DNAH14: variants seen among roughly 807,000 people sequenced by gnomAD.
The protein encoded by DNAH14 is dynein axonemal heavy chain 14.
In DNAH14, 478 loss-of-function variants were observed where a neutral mutation model predicts 520.9. That is an observed-to-expected ratio of 0.92 (90% CI 0.85 to 0.99). DNAH14 has a LOEUF of 0.99. Ranked by LOEUF, DNAH14 falls within the 50% of genes least tolerant of loss-of-function variation. The pLI, the probability that DNAH14 is intolerant of heterozygous loss-of-function variation, is 0.00. For missense variants in DNAH14, 4,831 were observed against 5,234.5 expected, an observed-to-expected ratio of 0.92 and a Z score of 2.38; for synonymous variants, 1,581 against 1,757.2, an observed-to-expected ratio of 0.90 and a Z score of 2.51.
At chr1:225,192,953 G>T in intron 38 of DNAH14, 42 bp downstream of exon 38, 1 of 1,403,030 alleles carries the variant, frequency 7.1e-7, no homozygotes. Flanking sequence ...TAACTAATGT[G>T]GATTATTTAA....
chr1:225,163,484 A>G (rs1047690593), intron 35 of DNAH14, among the ~76,000 whole-genome samples: 1 of 151,914 alleles, frequency 6.6e-6, no homozygotes, highest in Admixed American at 6.6e-5. Flanking sequence ...GTGTGATACT[A>G]GCTGTGGGTC....
chr1:225,052,107 ATTTG>A (rs2068594498), intron 17 of DNAH14, among the ~76,000 whole-genome samples: 1 of 151,958 alleles, frequency 6.6e-6, no homozygotes, highest in South Asian at 2.1e-4. Context: ...TATGTTATTT[ATTTG>A]TTTGTTTGTT....
rs182277544 is a variant in DNAH14 at position 224,981,777 on chromosome 1, G to T, written c.830+7624G>T. 4.2e-3 allele frequency among the ~76,000 whole-genome samples: 638 copies of T among 152,034 alleles called. 4 individuals are homozygous for T. The highest frequency in any genetic ancestry group is 0.015 in the African/African-American group (607 of 41,488). ...TATCTTTTGTATTTTTGGTTGGTTT[G>T]TTTCACTTTCGTTTAGTTCTGCTCT... On this transcript the variant is annotated intron_variant, in intron 8 of 85. Coordinates refer to ENST00000682510, the MANE Select transcript of DNAH14 (RefSeq NM_001367479.1).
At chr1:225,172,438 C>T (rs1480999272) in intron 36 of DNAH14, among the ~76,000 whole-genome samples, 2 of 152,156 alleles carry the variant, frequency 1.3e-5, no homozygotes, top group Non-Finnish European at 2.9e-5. Flanking sequence ...AATCAATGTG[C>T]AGAAATCACA....
chr1:225,275,691 A>G (rs2093449525), intron 52 of DNAH14, among the ~76,000 whole-genome samples: 1 of 152,164 alleles, frequency 6.6e-6, no homozygotes, highest in African/African-American at 2.4e-5. Context: ...TAACCCTTAT[A>G]TTTTGATATA....
intron 23 of DNAH14, among the ~76,000 whole-genome samples, chr1:225,115,276 G>C (rs1411391882): frequency 6.6e-6 from 1 of 152,198 alleles, no homozygotes; most frequent in African/African-American, 2.4e-5. Flanking sequence ...ACAGCACTGA[G>C]TCTTGTGCAG....
chr1:225,058,316 G>T (rs1318891523), intron 17 of DNAH14, among the ~76,000 whole-genome samples: 6 of 152,148 alleles, frequency 3.9e-5, no homozygotes, highest in Non-Finnish European at 8.8e-5. Context: ...GTTTATTTGT[G>T]TAGAAGTGTT....
At chr1:225,249,160 A>C (rs562274000) in intron 43 of DNAH14, among the ~76,000 whole-genome samples, 1 of 152,384 alleles carries the variant, frequency 6.6e-6, no homozygotes, top group East Asian at 1.9e-4. Context: ...GAAATGGCAG[A>C]TATCAATGAC....
chr1:225,342,748 C>T (rs2095216116), intron 69 of DNAH14, among the ~76,000 whole-genome samples: 1 of 151,646 alleles, frequency 6.6e-6, no homozygotes, highest in African/African-American at 2.4e-5. Context: ...TTCACTTACC[C>T]TTCTATCTGC....
chr1:225,386,577 GA>G (rs2095844685), intron 81 of DNAH14, among the ~76,000 whole-genome samples: 1 of 152,188 alleles, frequency 6.6e-6, no homozygotes, highest in African/African-American at 2.4e-5. Context: ...CAAAGGATAT[GA>G]ACAGACACTT....
intron 34 of DNAH14, among the ~76,000 whole-genome samples, chr1:225,158,046 A>G (rs1209680061): frequency 6.6e-6 from 1 of 152,218 alleles, no homozygotes; most frequent in African/African-American, 2.4e-5. Flanking sequence ...AAGATTTTGA[A>G]TATTCTCCTG....
At chr1:225,238,758 C>T (rs1468630555) in intron 42 of DNAH14, among the ~76,000 whole-genome samples, 2 of 151,890 alleles carry the variant, frequency 1.3e-5, no homozygotes, top group African/African-American at 2.4e-5. Context: ...GCCAGCCCCA[C>T]CTCCAGGAGC....
intron 10 of DNAH14, among the ~76,000 whole-genome samples, chr1:225,014,510 C>T (rs906051874): frequency 6.6e-6 from 1 of 151,810 alleles, no homozygotes; most frequent in Non-Finnish European, 1.5e-5. Context: ...TATTATGTTT[C>T]AATTTTCATT....
Position 225,307,576 on chromosome 1 carries a change from T to G in DNAH14, c.9114+7T>G, listed in dbSNP as rs1165679948. ...AGTAGAACAAAAAACAAAGGTATGT[T>G]TGCTTTGAAATCTCTTTTAAAGATT... On this transcript the variant is annotated splice_region_variant and intron_variant, in intron 59 of 85. Transcript: ENST00000682510. 6.5e-7 allele frequency: 1 copy of G among 1,526,826 alleles called. No homozygotes were observed. The highest frequency in any genetic ancestry group is 2.5e-5 in the East Asian group (1 of 40,730). The allele number at this position is 1,526,826 out of a possible 1,614,324, so 94.6% of individuals were successfully genotyped here.
At chr1:225,173,268 TTAAAC>T (rs1298507888) in intron 36 of DNAH14, among the ~76,000 whole-genome samples, 1 of 152,144 alleles carries the variant, frequency 6.6e-6, no homozygotes, top group East Asian at 1.9e-4. Flanking sequence ...TGGGATCTAA[TTAAAC>T]TAAAGAGCTT....
At position 225,304,935 on chromosome 1, in the gene DNAH14, T is replaced by C. The variant is rs1452322905; in HGVS notation, c.8851T>C (p.Cys2951Arg). ...CTTGAAAGAAAAACTTGCCCCAACATGTGTCCAAATCCACAAAAGCATGAA... is the reference window on the plus strand; with the variant it reads ...CTTGAAAGAAAAACTTGCCCCAACACGTGTCCAAATCCACAAAAGCATGAA... ...ENLKEKLAPT[C>R]VQIHKSMKDL... Residue 2951 changes from cysteine to arginine, a missense_variant, in exon 58 of 86, where the codon TGT becomes CGT. Cys to Arg is a radical substitution (Grantham distance 180). Transcript: ENST00000682510. 1.3e-6 allele frequency: 2 copies of C among 1,521,844 alleles called. No individual in the cohort carries two copies. The highest frequency in any genetic ancestry group is 1.8e-6 in the Non-Finnish European group (2 of 1,140,346). 94.3% of individuals were successfully genotyped at this position (1,521,844 alleles called of 1,614,324 possible).
intron 74 of DNAH14, among the ~76,000 whole-genome samples, chr1:225,360,026 T>C (rs2095475207): frequency 6.6e-6 from 1 of 152,200 alleles, no homozygotes; most frequent in South Asian, 2.1e-4. Flanking sequence ...GGCCCCAGTA[T>C]GTGTTGTTCC....
rs1389210188 is a variant in DNAH14, at chr1:224,975,975, C to T, written c.830+1822C>T. 7.2e-5 allele frequency among the ~76,000 whole-genome samples: 11 copies of T among 151,808 alleles called. No homozygotes were observed. The East Asian group carries it at 1.5e-3, about 21-fold the overall frequency. ...AACATCTTTATTTCTACCTTCATTTCGTTATGTACCCAGTAGTCATTCAGG... is the reference window on the plus strand; with the variant it reads ...AACATCTTTATTTCTACCTTCATTTTGTTATGTACCCAGTAGTCATTCAGG... On this transcript the variant is annotated intron_variant, in intron 8 of 85. Coordinates refer to ENST00000682510, the MANE Select transcript of DNAH14 (RefSeq NM_001367479.1).
chr1:225,120,810 G>A (rs2077229011), intron 26 of DNAH14, among the ~76,000 whole-genome samples: 1 of 152,312 alleles, frequency 6.6e-6, no homozygotes, highest in African/African-American at 2.4e-5. Flanking sequence ...AAGCAAAAAA[G>A]ACAAGCAGTT....
Sources: allele counts gnomAD v4.1 joint callset (sites outside exome capture counted in the v4.1 genomes callset), GRCh38; gene constraint gnomAD v4.1.1; transcripts MANE v1.5; gene names NCBI Gene and HGNC (gene_info 2026-07-23, HGNC 2026-07-21).